The following TYW1 variants were observed in gnomAD, a reference collection of about 807,000 sequenced individuals.
The protein encoded by TYW1 is S-adenosyl-L-methionine-dependent tRNA 4-demethylwyosine synthase TYW1.
A neutral mutation model predicts 96.2 loss-of-function variants in TYW1; 46 were observed. That is an observed-to-expected ratio of 0.48 (90% CI 0.38 to 0.61). The LOEUF is 0.61. Among genes scored for constraint, TYW1 ranks in the 20% least tolerant of loss-of-function variants. TYW1 has a pLI of 0.00. For synonymous variants in TYW1, 274 were observed against 323.0 expected, an observed-to-expected ratio of 0.85 and a Z score of 1.63; for missense variants, 684 against 909.6, an observed-to-expected ratio of 0.75 and a Z score of 3.19.
At chr7:67,169,991 TC>T (rs1449583986) in intron 13 of TYW1, among the ~76,000 whole-genome samples, 4 of 152,158 alleles carry the variant, frequency 2.6e-5, no homozygotes, top group Non-Finnish European at 4.4e-5. Context: ...CTTTTTTTCC[TC>T]CTTCTGTTGC....
intron 7 of TYW1, among the ~76,000 whole-genome samples, chr7:67,045,213 AT>A (rs1036874016): frequency 2.0e-5 from 3 of 151,118 alleles, no homozygotes; most frequent in Non-Finnish European, 4.4e-5. Context: ...TTTTTTTTAA[AT>A]TTTTTTTATT....
At chr7:67,178,021 A>G (rs1190867012) in intron 13 of TYW1, among the ~76,000 whole-genome samples, 1 of 146,730 alleles carries the variant, frequency 6.8e-6, no homozygotes, top group Admixed American at 6.8e-5. Flanking sequence ...AAAAAAAGCT[A>G]GGAGTGGCAG....
At chr7:67,053,311 G>C (rs1795418621) in intron 8 of TYW1, among the ~76,000 whole-genome samples, 1 of 151,514 alleles carries the variant, frequency 6.6e-6, no homozygotes, top group Non-Finnish European at 1.5e-5. Flanking sequence ...TCAGCCTGCT[G>C]TAAGCATCAG....
intron 15 of TYW1, among the ~76,000 whole-genome samples, chr7:67,208,689 CAAAA>C (rs10623787): frequency 2.6e-5 from 2 of 76,210 alleles, no homozygotes; most frequent in Admixed American, 1.4e-4. Flanking sequence ...GACGCTGTCT[CAAAA>C]AAAAAAAAAA....
chr7:67,044,867 A>C (rs1441098960), intron 7 of TYW1, among the ~76,000 whole-genome samples: 1 of 151,188 alleles, frequency 6.6e-6, no homozygotes, highest in Non-Finnish European at 1.5e-5. Flanking sequence ...TTATCCACCC[A>C]CCTCCACCTC....
At chr7:67,208,664 A>T (rs1229295143) in intron 15 of TYW1, among the ~76,000 whole-genome samples, 2 of 141,774 alleles carry the variant, frequency 1.4e-5, no homozygotes, top group Admixed American at 7.3e-5. Context: ...CACTCTAGCC[A>T]GGGCAACAGA....
At chr7:67,189,453 GTGTTTGTGTT>G (rs1800139427) in intron 14 of TYW1, among the ~76,000 whole-genome samples, 1 of 117,038 alleles carries the variant, frequency 8.5e-6, no homozygotes, top group East Asian at 3.6e-4. Context: ...GTATGTGTGT[GTGTTTGTGTT>G]TGTGTGTGTC....
intron 13 of TYW1, among the ~76,000 whole-genome samples, chr7:67,179,664 A>G (rs375645042): frequency 4.4e-5 from 6 of 135,408 alleles, no homozygotes; most frequent in East Asian, 4.0e-4. Context: ...AACTCCTGCT[A>G]TTATTTTTAT....
intron 9 of TYW1, among the ~76,000 whole-genome samples, chr7:67,065,972 T>G (rs1054818548): frequency 6.6e-6 from 1 of 150,546 alleles, no homozygotes; most frequent in Non-Finnish European, 1.5e-5. Context: ...ATCACACTAC[T>G]GCACTCCAGC....
At chr7:67,080,940 GTTTTTTTTTT>G (rs71049495) in intron 10 of TYW1, among the ~76,000 whole-genome samples, 41 of 37,248 alleles carry the variant, frequency 1.1e-3, no homozygotes, top group African/African-American at 4.1e-3. Context: ...CTTTCTTACT[GTTTTTTTTTT>G]TTTTTTTTTT....
intron 13 of TYW1, among the ~76,000 whole-genome samples, chr7:67,136,503 ATTGTT>A (rs887253182): frequency 1.3e-5 from 2 of 152,110 alleles, no homozygotes; most frequent in African/African-American, 4.8e-5. Flanking sequence ...TGAGAAGAAA[ATTGTT>A]TTGTATTTAA....
At chr7:67,000,817 GGTCT>G (rs1793357739) in intron 3 of TYW1, among the ~76,000 whole-genome samples, 1 of 152,112 alleles carries the variant, frequency 6.6e-6, no homozygotes, top group Non-Finnish European at 1.5e-5. Context: ...GAAAAATCAA[GGTCT>G]GTTACTTTTG....
chr7:67,225,473 T>G (rs1294756498), intron 15 of TYW1, among the ~76,000 whole-genome samples: 1 of 152,150 alleles, frequency 6.6e-6, no homozygotes, highest in Non-Finnish European at 1.5e-5. Flanking sequence ...GGACCTCCTT[T>G]TTGGAGATAA....
At chr7:67,035,887 C>T (rs1290921117) in intron 7 of TYW1, among the ~76,000 whole-genome samples, 15 of 151,544 alleles carry the variant, frequency 9.9e-5, no homozygotes, top group Non-Finnish European at 1.3e-4. Context: ...CCGTGTTAGC[C>T]AGGATGGTCC....
intron 10 of TYW1, among the ~76,000 whole-genome samples, chr7:67,075,096 A>G (rs1479537723): frequency 6.6e-6 from 1 of 152,162 alleles, no homozygotes; most frequent in Non-Finnish European, 1.5e-5. Flanking sequence ...GATTTTTTCA[A>G]AGTGAAATTT....
chr7:67,008,528 T>C (rs1220690996), intron 3 of TYW1, among the ~76,000 whole-genome samples: 1 of 152,196 alleles, frequency 6.6e-6, no homozygotes, highest in Non-Finnish European at 1.5e-5. Flanking sequence ...CATCTTTTGT[T>C]GTAGTGGCTG....
At chr7:67,062,166 T>G (rs1339382025) in intron 9 of TYW1, among the ~76,000 whole-genome samples, 2 of 152,116 alleles carry the variant, frequency 1.3e-5, no homozygotes, top group Middle Eastern at 3.2e-3. Context: ...ATTCCAGCAC[T>G]TCGGGAGGCT....
chr7:67,037,273 C>T (rs1455381325), intron 7 of TYW1, among the ~76,000 whole-genome samples: 1 of 151,836 alleles, frequency 6.6e-6, no homozygotes, highest in African/African-American at 2.4e-5. Context: ...TTTGGGAGGC[C>T]GAGGCAGGTG....
intron 3 of TYW1, among the ~76,000 whole-genome samples, chr7:67,000,325 A>T (rs1213830333): frequency 2.0e-5 from 3 of 151,352 alleles, no homozygotes; most frequent in Admixed American, 6.6e-5. Context: ...TTGAGATGGT[A>T]TCTCACTCTG....
Sources: gnomAD v4.1 joint callset for allele counts (sites outside exome capture counted in the v4.1 genomes callset) on GRCh38, gnomAD v4.1.1 for gene constraint, MANE v1.5 for transcripts, NCBI Gene and HGNC (gene_info 2026-07-23, HGNC 2026-07-21) for gene names.